The following SLC26A3 variants were observed in gnomAD, a reference collection of about 807,000 sequenced individuals.
The protein encoded by SLC26A3 is solute carrier family 26 member 3.
In SLC26A3, 64 loss-of-function variants were observed where a neutral mutation model predicts 85.6. The observed-to-expected ratio is 0.75, with a 90% confidence interval of 0.61 to 0.92. The LOEUF (loss-of-function observed/expected upper bound fraction) is 0.92. Among genes scored for constraint, SLC26A3 ranks in the 40% least tolerant of loss-of-function variants. The pLI is 0.00. For missense variants in SLC26A3, 922 were observed against 927.3 expected (o/e 0.99, Z 0.07); for synonymous variants, 349 against 336.0 (o/e 1.04, Z -0.42).
chr7:107,788,784 C>CTTTTTTTTTTTTTTTTTTTTTTTT (rs71861759), intron 6 of SLC26A3, among the ~76,000 whole-genome samples: 3 of 108,028 alleles, frequency 2.8e-5, no homozygotes, highest in East Asian at 2.8e-4. Flanking sequence ...TTTTTCTTTT[C>CTTTTTTTTTTTTTTTTTTTTTTTT]TTTTTTTTTT....
chr7:107,790,516 T>C (rs1794377339), intron 5 of SLC26A3, among the ~76,000 whole-genome samples: 1 of 152,158 alleles, frequency 6.6e-6, no homozygotes, highest in Non-Finnish European at 1.5e-5. Flanking sequence ...CCATGACATT[T>C]TCAGTATTCA....
Position 107,765,879 on chromosome 7 carries a change from C to T in SLC26A3, c.2272-1G>A, listed in dbSNP as rs763368055. ...ATTAGAATTTTGTTTCAACTGGCACCTGGAAGAAGACAGAAAGTTCTTGTT... is the reference window on the plus strand; with the variant it reads ...ATTAGAATTTTGTTTCAACTGGCACTTGGAAGAAGACAGAAAGTTCTTGTT... On this transcript the variant is annotated splice_acceptor_variant, in intron 20 of 20. Transcript: ENST00000340010. LOFTEE classifies it high-confidence loss of function. 1.2e-6 allele frequency: 2 copies of T among 1,610,376 alleles called. No individual in the cohort carries two copies. The highest frequency in any genetic ancestry group is 1.7e-6 in the Non-Finnish European group (2 of 1,177,062).
In SLC26A3 at chr7:107,778,270, G is replaced by A. The variant is rs757427764; in HGVS notation, c.1419C>T (p.Ile473=). Residue 473 remains isoleucine (I), a synonymous_variant, in exon 13 of 21, where the codon ATC becomes ATT. Transcript: ENST00000340010. Reference sequence around the variant, plus strand: ...GGACAATGGTGAAGATGAAGGTCATGATCCAAATTAACTGTGAAAAGAAAG... The same window carrying A: ...GGACAATGGTGAAGATGAAGGTCATAATCCAAATTAACTGTGAAAAGAAAG... ...RKDKYDCLIW[I]MTFIFTIVLG... is the part of the protein sequence containing the mutation. 29 of 1,606,324 alleles carry A rather than the reference G, an allele frequency of 1.8e-5. No homozygotes were observed. The South Asian group carries it at 3.0e-4, about 16-fold the overall frequency.
At chr7:107,766,836 A>G (rs1465867386) in intron 20 of SLC26A3, among the ~76,000 whole-genome samples, 3 of 151,290 alleles carry the variant, frequency 2.0e-5, no homozygotes, top group Admixed American at 2.0e-4. Flanking sequence ...GTCACTTGGT[A>G]TGTGACCTCA....
intron 12 of SLC26A3, among the ~76,000 whole-genome samples, chr7:107,778,571 T>C (rs1794166814): frequency 1.3e-5 from 2 of 152,056 alleles, no homozygotes; most frequent in African/African-American, 2.4e-5. Flanking sequence ...AGAAAGTGTA[T>C]TTATTTCTAA....
chr7:107,773,131 C>T (rs1417893132), intron 17 of SLC26A3, among the ~76,000 whole-genome samples: 8 of 152,114 alleles, frequency 5.3e-5, no homozygotes, highest in African/African-American at 1.7e-4. Context: ...TTGTTTCAGT[C>T]GTGTTTTGAA....
In SLC26A3 at chr7:107,765,767, A is replaced by G; in HGVS notation, c.*88T>C. 1 of 975,890 alleles carries G rather than the reference A, an allele frequency of 1.0e-6. No homozygotes were observed. The highest frequency in any genetic ancestry group is 1.3e-5 in the South Asian group (1 of 74,572). The allele number at this position is 975,890 out of a possible 1,614,324, so 60.5% of individuals were successfully genotyped here. ...ATATTCTGTCAAAAATACTCTTCGT[A>G]CAATGTATGAACTTATCAATAACTT... On this transcript the variant is annotated 3_prime_UTR_variant, in exon 21 of 21. Coordinates refer to ENST00000340010, the MANE Select transcript of SLC26A3 (RefSeq NM_000111.3).
chr7:107,794,549 G>A lies in SLC26A3; in HGVS notation c.-40C>T, dbSNP rs187600896. ...TGGCTGTGGCAAGTTGAAGACCTTT[G>A]CAACTATGTGGTGAACACTTCTTCT... On this transcript the variant is annotated 5_prime_UTR_variant, in exon 2 of 21. Transcript: ENST00000340010. 2,907 of 1,612,592 alleles carry A rather than the reference G, an allele frequency of 1.8e-3. 5 individuals are homozygous for A. The highest frequency in any genetic ancestry group is 2.8e-3 in the South Asian group (257 of 91,054).
At chr7:107,787,235 A>T (rs1794312258) in intron 7 of SLC26A3, 122 bp downstream of exon 7, 1 of 956,948 alleles carries the variant, frequency 1.0e-6, no homozygotes, top group Non-Finnish European at 1.7e-6. Context: ...GCTAAACATT[A>T]TGCCCGAAAA....
chr7:107,774,940 A>C (rs982368584), intron 15 of SLC26A3, 68 bp from the exon 16 acceptor site: 1 of 1,155,818 alleles, frequency 8.7e-7, no homozygotes, highest in Admixed American at 1.7e-5. Context: ...TAGTTCTAAC[A>C]ACTTTAACTG....
At chr7:107,771,047 T>A (rs938484936) in intron 18 of SLC26A3, among the ~76,000 whole-genome samples, 39 of 152,140 alleles carry the variant, frequency 2.6e-4, no homozygotes, top group African/African-American at 8.9e-4. Context: ...GAAGGCCTAG[T>A]TGAGAAGTGA....
In SLC26A3 at chr7:107,793,737, T is replaced by G; in HGVS notation, c.271+5A>C. 2 of 1,610,352 alleles carry G rather than the reference T, an allele frequency of 1.2e-6. No homozygotes were observed. Among genetic ancestry groups the G allele is most frequent in the Middle Eastern group, 1.7e-4 (1 of 6,056 alleles). Reference sequence around the variant, plus strand: ...TATATAAATTATACTTAAAAAAAATTTTACCTTGTAGTACGGCCACAATCC... The same window carrying G: ...TATATAAATTATACTTAAAAAAAATGTTACCTTGTAGTACGGCCACAATCC... On this transcript the variant is annotated splice_donor_5th_base_variant and intron_variant, in intron 3 of 20. Coordinates refer to ENST00000340010, the MANE Select transcript of SLC26A3 (RefSeq NM_000111.3).
intron 11 of SLC26A3, among the ~76,000 whole-genome samples, chr7:107,781,379 T>G (rs1405272356): frequency 6.6e-6 from 1 of 152,144 alleles, no homozygotes; most frequent in Non-Finnish European, 1.5e-5. Flanking sequence ...CTGACCACAA[T>G]GGCCTAAAAA....
At chr7:107,789,800 G>C in intron 5 of SLC26A3, 112 bp from the exon 6 acceptor site, 1 of 1,153,916 alleles carries the variant, frequency 8.7e-7, no homozygotes, top group Non-Finnish European at 1.2e-6. Context: ...CAACCTGTAT[G>C]TACATGCCTT....
rs547288103 is a variant in SLC26A3 at position 107,780,805 on chromosome 7, G to C, written c.1312-1042C>G. Among the ~76,000 whole-genome samples, 25 of 152,262 alleles carry C rather than the reference G, an allele frequency of 1.6e-4. No individual in the cohort carries two copies. In the East Asian group the frequency reaches 4.8e-3, roughly 29 times the overall value. On this transcript the variant is annotated intron_variant, in intron 11 of 20. Transcript: ENST00000340010. ...CTTTTAAAAAATTTGGCACACAAGTGAATGCCAGTTAAAAAATGGTGAAAA... is the reference window on the plus strand; with the variant it reads ...CTTTTAAAAAATTTGGCACACAAGTCAATGCCAGTTAAAAAATGGTGAAAA...
chr7:107,779,161 T>C (rs1453213807), intron 12 of SLC26A3, among the ~76,000 whole-genome samples: 1 of 152,200 alleles, frequency 6.6e-6, no homozygotes, highest in African/African-American at 2.4e-5. Context: ...GATCTTTAAA[T>C]ACCTAAGGGT....
At chr7:107,793,619 T>A in intron 3 of SLC26A3, 123 bp downstream of exon 3, 1 of 733,094 alleles carries the variant, frequency 1.4e-6, no homozygotes, top group Admixed American at 2.4e-5. Context: ...GTGGTGAAAA[T>A]GTTCCAGAAT....
At chr7:107,801,855 G>A (rs1237282513) in intron 1 of SLC26A3, among the ~76,000 whole-genome samples, 1 of 150,626 alleles carries the variant, frequency 6.6e-6, no homozygotes, top group Non-Finnish European at 1.5e-5. Flanking sequence ...TGAGGTGGGA[G>A]GATCACCTGA....
intron 8 of SLC26A3, among the ~76,000 whole-genome samples, chr7:107,785,539 T>C (rs1486708109): frequency 6.6e-6 from 1 of 152,230 alleles, no homozygotes; most frequent in African/African-American, 2.4e-5. Context: ...AAGATCCTGT[T>C]TGGTTTTGCA....
Sources: gnomAD v4.1 joint callset for allele counts (sites outside exome capture counted in the v4.1 genomes callset) on GRCh38, gnomAD v4.1.1 for gene constraint, MANE v1.5 for transcripts, NCBI Gene and HGNC (gene_info 2026-07-23, HGNC 2026-07-21) for gene names.